ELP4: variants seen among roughly 807,000 people sequenced by gnomAD.
The protein encoded by ELP4 is elongator complex protein 4.
A neutral mutation model predicts 48.9 loss-of-function variants in ELP4; 51 were observed. The ratio of observed to expected loss-of-function variants is 1.04; its 90% CI spans 0.83 to 1.32. The LOEUF is 1.32. ELP4 is among the 40% of genes most tolerant of loss of function. The pLI is 0.00. For missense variants in ELP4, 519 were observed against 514.6 expected (o/e 1.01, Z -0.08); for synonymous variants, 210 against 189.2 (o/e 1.11, Z -0.90).
intron 5 of ELP4, among the ~76,000 whole-genome samples, chr11:31,614,283 G>C (rs1453372294): frequency 6.6e-6 from 1 of 152,074 alleles, no homozygotes; most frequent in Non-Finnish European, 1.5e-5. Flanking sequence ...GGACTCTTTG[G>C]AGAAATGGTT....
At chr11:31,544,837 C>T (rs1463279291) in intron 3 of ELP4, among the ~76,000 whole-genome samples, 4 of 152,168 alleles carry the variant, frequency 2.6e-5, no homozygotes, top group African/African-American at 7.2e-5. Flanking sequence ...GCAGCATTCG[C>T]GGTTCACGAA....
chr11:31,553,757 CACACACA>C (rs1956888982), intron 3 of ELP4, among the ~76,000 whole-genome samples: 4 of 151,606 alleles, frequency 2.6e-5, no homozygotes, highest in African/African-American at 9.7e-5. Flanking sequence ...CACACACACA[CACACACA>C]CCCTATTGGT....
At chr11:31,647,890 G>A in intron 8 of ELP4, 41 bp downstream of exon 8, 2 of 1,208,828 alleles carry the variant, frequency 1.7e-6, no homozygotes, top group Non-Finnish European at 1.2e-6. Context: ...GGAGCAGGCT[G>A]CTTCTAGGTT....
intron 9 of ELP4, among the ~76,000 whole-genome samples, chr11:31,749,856 A>ATTTTTT (rs1365172448): frequency 3.6e-5 from 5 of 140,240 alleles, no homozygotes; most frequent in African/African-American, 1.3e-4. Flanking sequence ...CCTTTATGAC[A>ATTTTTT]TTTTTTTTTT....
intron 1 of ELP4, among the ~76,000 whole-genome samples, chr11:31,513,449 AAAG>A (rs1352373626): frequency 6.6e-6 from 1 of 152,200 alleles, no homozygotes; most frequent in Non-Finnish European, 1.5e-5. Flanking sequence ...TGAACCAAGG[AAAG>A]AATATGAACT....
chr11:31,546,188 G>A (rs1295624762), intron 3 of ELP4, among the ~76,000 whole-genome samples: 1 of 152,100 alleles, frequency 6.6e-6, no homozygotes, highest in African/African-American at 2.4e-5. Context: ...ACACAGACTG[G>A]CAAATTGGAT....
intron 9 of ELP4, among the ~76,000 whole-genome samples, chr11:31,673,407 T>C (rs1945851665): frequency 6.6e-6 from 1 of 152,166 alleles, no homozygotes; most frequent in Non-Finnish European, 1.5e-5. Context: ...CATAGCTCAC[T>C]GCAGCCTCAA....
intron 9 of ELP4, among the ~76,000 whole-genome samples, chr11:31,679,023 G>A (rs1945999814): frequency 6.6e-6 from 1 of 152,110 alleles, no homozygotes; most frequent in Non-Finnish European, 1.5e-5. Context: ...CATATGATAT[G>A]AAACTTCTTT....
rs1956300408 is a variant in ELP4 at position 31,526,697 on chromosome 11, CCTATTTGAGAAT to C, written c.259+6608_259+6619del. Among the ~76,000 whole-genome samples the C allele has an allele frequency of 2.0e-5, 3 of 152,104 alleles. No individual in the cohort carries two copies. The East Asian group carries it at 5.8e-4, about 29-fold the overall frequency. On this transcript the variant is annotated intron_variant, in intron 2 of 9. Coordinates refer to ENST00000640961, the MANE Select transcript of ELP4 (RefSeq NM_019040.5). ...AATGCAGAGATATACTGTGCCTTCT[CCTATTTGAGAAT>C]CATCTTTCATCTGTACTTTAAATTT...
intron 5 of ELP4, among the ~76,000 whole-genome samples, chr11:31,617,742 A>C (rs1325816273): frequency 6.6e-6 from 1 of 150,966 alleles, no homozygotes; most frequent in Admixed American, 6.6e-5. Flanking sequence ...AAAAAAAAAA[A>C]ACACCCCAAA....
At chr11:31,697,401 C>A (rs917828948) in intron 9 of ELP4, among the ~76,000 whole-genome samples, 7 of 151,970 alleles carry the variant, frequency 4.6e-5, no homozygotes, top group Non-Finnish European at 7.4e-5. Context: ...AGGAAAGCCT[C>A]TTTTTTGTTT....
intron 9 of ELP4, among the ~76,000 whole-genome samples, chr11:31,695,112 T>G (rs1946371699): frequency 6.6e-6 from 1 of 152,162 alleles, no homozygotes; most frequent in Admixed American, 6.6e-5. Flanking sequence ...ACAGGGACAA[T>G]TGGACTTCCT....
At chr11:31,704,370 A>G (rs1238150216) in intron 9 of ELP4, among the ~76,000 whole-genome samples, 1 of 152,164 alleles carries the variant, frequency 6.6e-6, no homozygotes, top group African/African-American at 2.4e-5. Context: ...CATCATTCTC[A>G]GCAAACTATC....
At chr11:31,656,867 G>A (rs916389449) in intron 9 of ELP4, among the ~76,000 whole-genome samples, 4 of 152,136 alleles carry the variant, frequency 2.6e-5, no homozygotes, top group Middle Eastern at 3.4e-3. Flanking sequence ...GCAGTACTTC[G>A]AAGATTTTCT....
chr11:31,601,513 G>A (rs1020050958), intron 4 of ELP4, among the ~76,000 whole-genome samples: 1 of 151,942 alleles, frequency 6.6e-6, no homozygotes, highest in Non-Finnish European at 1.5e-5. Flanking sequence ...TATGTAAACT[G>A]TCTCAGCATG....
At chr11:31,632,188 A>T in intron 6 of ELP4, 29 bp from the exon 7 acceptor site, 1 of 1,571,304 alleles carries the variant, frequency 6.4e-7, no homozygotes, top group Admixed American at 1.8e-5. Flanking sequence ...AAAACTTTAT[A>T]TGTTTGCTTT....
At chr11:31,752,845 A>G (rs1418077706) in intron 9 of ELP4, among the ~76,000 whole-genome samples, 1 of 151,850 alleles carries the variant, frequency 6.6e-6, no homozygotes, top group African/African-American at 2.4e-5. Flanking sequence ...AAAAAAAAAA[A>G]AAAAAAAGAA....
intron 2 of ELP4, among the ~76,000 whole-genome samples, chr11:31,528,139 C>T (rs979354190): frequency 2.0e-5 from 3 of 151,956 alleles, no homozygotes; most frequent in Non-Finnish European, 4.4e-5. Context: ...CTTTATTTAC[C>T]TTATCATGGC....
chr11:31,636,967 A>G (rs1944991964), intron 7 of ELP4, among the ~76,000 whole-genome samples: 2 of 151,994 alleles, frequency 1.3e-5, no homozygotes, highest in Admixed American at 1.3e-4. Context: ...TCTTGATAGA[A>G]TATAGTTTTA....
Sources: gnomAD v4.1 joint callset for allele counts (sites outside exome capture counted in the v4.1 genomes callset) on GRCh38, gnomAD v4.1.1 for gene constraint, MANE v1.5 for transcripts, NCBI Gene and HGNC (gene_info 2026-07-23, HGNC 2026-07-21) for gene names.